Variants in USP20 observed in about 807,000 individuals in gnomAD.
USP20 encodes ubiquitin carboxyl-terminal hydrolase 20.
Under a neutral mutation model 124.2 loss-of-function variants are expected in USP20, and 80 were observed. That is an observed-to-expected ratio of 0.64 (90% CI 0.54 to 0.78). USP20 has a LOEUF of 0.78. USP20 is among the 30% of genes least tolerant of loss of function. The pLI is 0.00. For synonymous variants in USP20, 481 were observed against 512.3 expected (o/e 0.94, Z 0.83); for missense variants, 1,043 against 1,244.4 (o/e 0.84, Z 2.44).
At chr9:129,870,777 T>C (rs2131088876) in intron 15 of USP20, among the ~76,000 whole-genome samples, 1 of 152,384 alleles carries the variant, frequency 6.6e-6, no homozygotes, top group Non-Finnish European at 1.5e-5. Flanking sequence ...TGTTCACTTA[T>C]TTTTATTTTT....
intron 1 of USP20, among the ~76,000 whole-genome samples, chr9:129,836,284 T>TA (rs1392419988): frequency 6.6e-6 from 1 of 152,234 alleles, no homozygotes; most frequent in Non-Finnish European, 1.5e-5. Flanking sequence ...AACTACCTCT[T>TA]ATTAAGCAGT....
intron 2 of USP20, 147 bp downstream of exon 2, chr9:129,850,071 A>G (rs1417439885): frequency 6.6e-6 from 1 of 151,934 alleles, no homozygotes; most frequent in Admixed American, 6.6e-5. Context: ...ATGGAATGTG[A>G]TCGCCTGTGT....
In USP20 at chr9:129,878,451, G is replaced by C. The variant is rs769145632; in HGVS notation, c.2512+11G>C. 32 of 1,585,082 alleles carry C rather than the reference G, an allele frequency of 2.0e-5. No homozygotes were observed. Among genetic ancestry groups the C allele is most frequent in the Non-Finnish European group, 2.7e-5 (31 of 1,162,852 alleles). On this transcript the variant is annotated intron_variant, in intron 23 of 25. Transcript: ENST00000372429. ...AGGGGAAGGACAACGGTGAGCTGAG[G>C]GGGGACCTGGCACTTACCTGCCCTG...
At position 129,865,234 on chromosome 9, in the gene USP20, G is replaced by T. The variant is rs1473653730; in HGVS notation, c.612-69G>T. On this transcript the variant is annotated intron_variant, in intron 9 of 25. Coordinates refer to ENST00000372429, the MANE Select transcript of USP20 (RefSeq NM_001110303.4). ...TCTGATCCAGCCTGACGGGCTGGCT[G>T]CCTGCTTCTCTCGGGAATGAGCAGC... The T allele has an allele frequency of 1.6e-5, 24 of 1,545,352 alleles. No individual in the cohort carries two copies. In the Admixed American group the frequency reaches 3.7e-4, roughly 24 times the overall value.
chr9:129,840,291 C>T (rs776144660), intron 1 of USP20, among the ~76,000 whole-genome samples: 12 of 152,230 alleles, frequency 7.9e-5, no homozygotes, highest in East Asian at 1.9e-4. Flanking sequence ...ACAACCTGCT[C>T]GCTTCCTGCT....
At chr9:129,865,262 A>G (rs769681800) in intron 9 of USP20, 41 bp from the exon 10 acceptor site, 1 of 1,607,514 alleles carries the variant, frequency 6.2e-7, no homozygotes. Flanking sequence ...TGAGCAGCTC[A>G]AGGCAGGCTA....
intron 5 of USP20, 117 bp from the exon 6 acceptor site, chr9:129,858,350 G>T: frequency 6.7e-7 from 1 of 1,484,254 alleles, no homozygotes; most frequent in Non-Finnish European, 9.3e-7. Flanking sequence ...TTGAGCTTCC[G>T]GCCTCTGTCC....
chr9:129,879,361 A>G lies in USP20; in HGVS notation c.2513-212A>G. ...CCACCGCAGCTCCTGCGGCCAGCAC[A>G]GAGTCTGAGACCATCTCGTGTGTCC... On this transcript the variant is annotated intron_variant, in intron 23 of 25. Transcript: ENST00000372429. The surrounding 1 kb of genome is among the most constrained non-coding windows in gnomAD (Gnocchi z 4.2). 3.6e-6 allele frequency: 2 copies of G among 563,034 alleles called. No individual in the cohort carries two copies. Among genetic ancestry groups the G allele is most frequent in the Non-Finnish European group, 3.2e-6 (1 of 315,576 alleles). 34.9% of individuals were successfully genotyped at this position (563,034 alleles called of 1,614,324 possible).
In USP20 at chr9:129,876,237, A is replaced by G. The variant is rs200775761; in HGVS notation, c.2408A>G (p.Lys803Arg). 2.8e-4 allele frequency: 450 copies of G among 1,610,688 alleles called. 1 individual carries two copies. Among genetic ancestry groups the G allele is most frequent in the Non-Finnish European group, 3.4e-4 (403 of 1,178,828 alleles). ...RRRIEIDTFI[K>R]LNKAFQAEES... ...AGGATCGAGATCGACACCTTCATCA[A>G]GGTGCGTGCGGCGAGGCGGCGCGGG... Residue 803 changes from lysine (K) to arginine (R), a missense_variant and splice_region_variant, in exon 22 of 26, where the codon AAG becomes AGG. Lys to Arg is a conservative substitution (Grantham distance 26). Transcript: ENST00000372429.
chr9:129,857,917 G>A (rs998328121), intron 4 of USP20, 133 bp from the exon 5 acceptor site: 1 of 769,206 alleles, frequency 1.3e-6, no homozygotes, highest in Non-Finnish European at 2.2e-6. Context: ...CCTTTGAGAT[G>A]GCAGAGCCTC....
At chr9:129,857,933 C>T in intron 4 of USP20, 117 bp from the exon 5 acceptor site, 1 of 878,960 alleles carries the variant, frequency 1.1e-6, no homozygotes, top group Non-Finnish European at 1.9e-6. Flanking sequence ...GCCTCAGTCC[C>T]TTGTGGCCCC....
intron 9 of USP20, among the ~76,000 whole-genome samples, chr9:129,864,097 T>C: frequency 9.3e-6 from 1 of 107,846 alleles, no homozygotes; most frequent in African/African-American, 3.4e-5. Flanking sequence ...AAAGCGAGAC[T>C]CTGTCTCAAA....
rs2034314837 is a variant in USP20 at position 129,874,907 on chromosome 9, T to C, written c.2000T>C (p.Val667Ala). The change falls in exon 19 of 26, where the codon GTC becomes GCC. Residue 667 changes from valine (V) to alanine (A), a missense_variant. Val to Ala is a moderately conservative substitution (Grantham distance 64). Transcript: ENST00000372429. ...TTTGATGACCAGTACGTCACAGAAG[T>C]CCACGAGACGGTGGTGCAGAACGCC... ...YEFDDQYVTEVHETVVQNAEG... is the reference protein window; with the variant it reads ...YEFDDQYVTEAHETVVQNAEG... 6.2e-7 allele frequency: 1 copy of C among 1,614,076 alleles called. No homozygotes were observed. The highest frequency in any genetic ancestry group is 1.3e-5 in the African/African-American group (1 of 75,058).
At position 129,868,394 on chromosome 9, in the gene USP20, G is replaced by T; in HGVS notation, c.1080G>T (p.Gln360His). 6.3e-7 allele frequency: 1 copy of T among 1,593,134 alleles called. No individual in the cohort carries two copies. The highest frequency in any genetic ancestry group is 1.1e-5 in the South Asian group (1 of 87,240). ...VDTAMAALDD[Q>H]PAEAQPPSPR... Reference sequence around the variant, plus strand: ...CTGCCATGGCTGCCCTTGACGACCAGCCCGCGGAGGCCCAGCCCCCGTCAC... The same window carrying T: ...CTGCCATGGCTGCCCTTGACGACCATCCCGCGGAGGCCCAGCCCCCGTCAC... The change falls in exon 11 of 26, where the codon CAG (glutamine) becomes CAT (histidine). Residue 360 changes from glutamine (Q) to histidine (H), a missense_variant. Coordinates refer to ENST00000372429, the MANE Select transcript of USP20 (RefSeq NM_001110303.4).
At chr9:129,862,930 A>T (rs867034637) in intron 8 of USP20, among the ~76,000 whole-genome samples, 6,281 of 121,978 alleles carry the variant, frequency 0.051, 446 homozygotes, top group African/African-American at 0.17. Flanking sequence ...AATAATAAAA[A>T]AATAAGGTAA....
At chr9:129,850,514 C>G (rs2032852825) in intron 2 of USP20, among the ~76,000 whole-genome samples, 1 of 152,164 alleles carries the variant, frequency 6.6e-6, no homozygotes, top group South Asian at 2.1e-4. Flanking sequence ...TTTAGTAACT[C>G]ACGTTCTGAA....
In USP20 at chr9:129,842,998, AC is replaced by A. The variant is rs1588238955; in HGVS notation, c.-128-6814del. ...TTTTTAAAATGTTAGTAAACCTTAA[AC>A]TTTTTATGTTGCACATACTCATATA... On this transcript the variant is annotated intron_variant, in intron 1 of 25. Transcript: ENST00000372429. Among the ~76,000 whole-genome samples the A allele has an allele frequency of 3.3e-5, 5 of 152,192 alleles. No individual in the cohort carries two copies. The South Asian group carries it at 1.0e-3, about 32-fold the overall frequency.
chr9:129,852,695 G>T, intron 3 of USP20, 59 bp downstream of exon 3: 1 of 1,496,448 alleles, frequency 6.7e-7, no homozygotes, highest in Non-Finnish European at 9.1e-7. Flanking sequence ...CTTTCCTGGG[G>T]TGTGGACATT....
In USP20 at chr9:129,878,385, C is replaced by T; in HGVS notation, c.2457C>T (p.Cys819=). ...AGGAGTCGCCGGGCGTCATCTACTG[C>T]ATCAGCATGCAGTGGTTCCGGGAGT... is the stretch of plus-strand genomic sequence containing the variant. The part of the protein sequence containing the change: ...QAEESPGVIY[C]ISMQWFREWE... The change falls in exon 23 of 26, where the codon TGC becomes TGT. Residue 819 remains cysteine, a synonymous_variant. Transcript: ENST00000372429. 1.2e-6 allele frequency: 2 copies of T among 1,610,284 alleles called. No individual in the cohort carries two copies. The highest frequency in any genetic ancestry group is 1.7e-6 in the Non-Finnish European group (2 of 1,178,396).
Sources: allele counts gnomAD v4.1 joint callset (sites outside exome capture counted in the v4.1 genomes callset), GRCh38; gene constraint gnomAD v4.1.1; non-coding constraint Gnocchi (gnomAD v3.1); transcripts MANE v1.5; gene names NCBI Gene and HGNC (gene_info 2026-07-23, HGNC 2026-07-21).